The following ADGRL3 variants were observed in gnomAD, a reference collection of about 807,000 sequenced individuals.
ADGRL3 encodes adhesion G protein-coupled receptor L3.
In ADGRL3, 62 loss-of-function variants were observed where a neutral mutation model predicts 153.5. The ratio of observed to expected loss-of-function variants is 0.40; its 90% CI spans 0.33 to 0.50. ADGRL3 has a LOEUF of 0.50. ADGRL3 is among the 20% of genes least tolerant of loss of function. The pLI is 0.47. For missense variants in ADGRL3, 1,641 were observed against 1,859.4 expected, an observed-to-expected ratio of 0.88 and a Z score of 2.16; for synonymous variants, 710 against 672.5, an observed-to-expected ratio of 1.06 and a Z score of -0.86.
intron 1 of ADGRL3, among the ~76,000 whole-genome samples, chr4:61,229,173 C>T (rs1049015005): frequency 7.9e-5 from 12 of 152,304 alleles, no homozygotes; most frequent in East Asian, 3.9e-4. Flanking sequence ...GTCTCCAGTA[C>T]GTTCTTAACT....
intron 6 of ADGRL3, among the ~76,000 whole-genome samples, chr4:61,708,480 CTTTGT>C (rs1471201107): frequency 4.1e-5 from 3 of 74,070 alleles, no homozygotes; most frequent in African/African-American, 2.5e-4. Context: ...GTTTTACAGT[CTTTGT>C]TTTTTTTTTA....
intron 2 of ADGRL3, among the ~76,000 whole-genome samples, chr4:61,480,922 A>T (rs1218889987): frequency 6.6e-6 from 1 of 152,190 alleles, no homozygotes; most frequent in African/African-American, 2.4e-5. Context: ...ATGCAGATAA[A>T]ATCCAGAATT....
intron 9 of ADGRL3, among the ~76,000 whole-genome samples, chr4:61,858,109 T>C (rs542656020): frequency 1.1e-4 from 16 of 152,300 alleles, no homozygotes; most frequent in African/African-American, 3.6e-4. Context: ...ATATTGAGTT[T>C]GAGATGCCTA....
intron 6 of ADGRL3, among the ~76,000 whole-genome samples, chr4:61,705,532 C>A (rs1188402444): frequency 1.3e-5 from 2 of 150,920 alleles, no homozygotes; most frequent in Non-Finnish European, 2.9e-5. Context: ...GAGTCTTGCT[C>A]TGTTGCCAAG....
intron 4 of ADGRL3, among the ~76,000 whole-genome samples, chr4:61,585,601 A>C (rs983298164): frequency 2.6e-5 from 4 of 152,058 alleles, no homozygotes; most frequent in African/African-American, 9.7e-5. Context: ...TTAAGCTATC[A>C]TGTATGTTTC....
intron 9 of ADGRL3, among the ~76,000 whole-genome samples, chr4:61,882,413 C>T (rs1581277511): frequency 1.3e-5 from 2 of 152,268 alleles, no homozygotes; most frequent in East Asian, 3.9e-4. Flanking sequence ...ACCATTACCA[C>T]CACAGATGTT....
At chr4:61,543,595 TAATA>T (rs1485379654) in intron 4 of ADGRL3, among the ~76,000 whole-genome samples, 1 of 152,210 alleles carries the variant, frequency 6.6e-6, no homozygotes, top group Non-Finnish European at 1.5e-5. Context: ...ATAGAAAACT[TAATA>T]CATTCTCTTC....
chr4:61,733,633 A>G (rs992804439), intron 8 of ADGRL3, 79 bp downstream of exon 8: 2 of 1,083,914 alleles, frequency 1.8e-6, no homozygotes, highest in Non-Finnish European at 2.6e-6. Context: ...TGTTTTTATT[A>G]AACTTTATTT....
At chr4:61,929,679 A>G (rs1015656401) in intron 13 of ADGRL3, among the ~76,000 whole-genome samples, 4 of 152,140 alleles carry the variant, frequency 2.6e-5, no homozygotes, top group Non-Finnish European at 4.4e-5. Flanking sequence ...CGTCTGTCCA[A>G]TGGGAGGTTT....
At chr4:61,865,460 A>G (rs1225128155) in intron 9 of ADGRL3, among the ~76,000 whole-genome samples, 1 of 152,192 alleles carries the variant, frequency 6.6e-6, no homozygotes, top group Non-Finnish European at 1.5e-5. Context: ...TTCAATAAGG[A>G]GGATTTCAAG....
chr4:61,452,803 G>A (rs1048214584), intron 2 of ADGRL3, among the ~76,000 whole-genome samples: 69 of 152,196 alleles, frequency 4.5e-4, no homozygotes, highest in African/African-American at 1.6e-3. Flanking sequence ...CAAGTGAGAT[G>A]AGCCTTAATT....
At chr4:61,447,497 A>C (rs1414469290) in intron 2 of ADGRL3, among the ~76,000 whole-genome samples, 1 of 152,198 alleles carries the variant, frequency 6.6e-6, no homozygotes, top group Non-Finnish European at 1.5e-5. Flanking sequence ...TTATGAAAAC[A>C]TGATACTTAT....
chr4:61,933,552 A>G (rs530221024), intron 13 of ADGRL3, among the ~76,000 whole-genome samples: 1 of 152,276 alleles, frequency 6.6e-6, no homozygotes, highest in Non-Finnish European at 1.5e-5. Flanking sequence ...GCAAGTTGTG[A>G]GTAGGATTAT....
chr4:61,955,175 C>T (rs577821634), intron 17 of ADGRL3, among the ~76,000 whole-genome samples: 7 of 152,258 alleles, frequency 4.6e-5, no homozygotes, highest in African/African-American at 1.4e-4. Flanking sequence ...TTGTTCAAAA[C>T]TTTTACTTTA....
intron 1 of ADGRL3, among the ~76,000 whole-genome samples, chr4:61,299,003 C>A (rs1578175374): frequency 6.6e-6 from 1 of 152,210 alleles, no homozygotes; most frequent in Admixed American, 6.5e-5. Flanking sequence ...ATGCAAGATT[C>A]TACTTTTGCA....
chr4:61,236,690 CT>C (rs1476919308), intron 1 of ADGRL3, among the ~76,000 whole-genome samples: 1 of 152,034 alleles, frequency 6.6e-6, no homozygotes, highest in Non-Finnish European at 1.5e-5. Flanking sequence ...GATATATAGG[CT>C]CATGTTGTCT....
intron 1 of ADGRL3, among the ~76,000 whole-genome samples, chr4:61,223,048 G>C (rs1454641535): frequency 6.6e-6 from 1 of 152,092 alleles, no homozygotes; most frequent in Admixed American, 6.6e-5. Flanking sequence ...AGAAGATGAA[G>C]ATTGAAGGCA....
chr4:61,503,150 G>A (rs944929609), intron 3 of ADGRL3, among the ~76,000 whole-genome samples: 5 of 152,112 alleles, frequency 3.3e-5, no homozygotes, highest in African/African-American at 1.2e-4. Flanking sequence ...TTTACTTTAT[G>A]TGTAAGAATT....
At chr4:61,759,140 A>G (rs1039330098) in intron 8 of ADGRL3, among the ~76,000 whole-genome samples, 15 of 152,062 alleles carry the variant, frequency 9.9e-5, no homozygotes, top group Non-Finnish European at 4.4e-5. Flanking sequence ...ACTTTGGTAA[A>G]TCTGACAATT....
Sources: gnomAD v4.1 joint callset for allele counts (sites outside exome capture counted in the v4.1 genomes callset) on GRCh38, gnomAD v4.1.1 for gene constraint, MANE v1.5 for transcripts, NCBI Gene and HGNC (gene_info 2026-07-23, HGNC 2026-07-21) for gene names.